Variants in CPNE4 observed in about 807,000 individuals in gnomAD.
CPNE4 encodes copine 4.
In CPNE4, 25 loss-of-function variants were observed where a neutral mutation model predicts 67.9. The ratio of observed to expected loss-of-function variants is 0.37; its 90% CI spans 0.27 to 0.51. The LOEUF (loss-of-function observed/expected upper bound fraction) is 0.51, where lower values mean the gene tolerates loss of function less well. Among genes scored for constraint, CPNE4 ranks in the 20% least tolerant of loss-of-function variants. The pLI, the probability that CPNE4 is intolerant of heterozygous loss-of-function variation, is 0.93. For missense variants in CPNE4, 464 were observed against 690.8 expected (o/e 0.67, Z 3.68); for synonymous variants, 242 against 244.9 (o/e 0.99, Z 0.11).
chr3:131,618,083 T>C (rs975890892), intron 7 of CPNE4, among the ~76,000 whole-genome samples: 2 of 152,142 alleles, frequency 1.3e-5, no homozygotes, highest in Non-Finnish European at 2.9e-5. Context: ...ATGGGAGACA[T>C]CACTTTGGAA....
chr3:131,903,691 G>A (rs1015172996), intron 2 of CPNE4, among the ~76,000 whole-genome samples: 8 of 152,088 alleles, frequency 5.3e-5, no homozygotes, highest in African/African-American at 1.9e-4. Flanking sequence ...CCTGTAAAAT[G>A]GGGATAATAT....
At chr3:131,632,600 A>G (rs2079258206) in intron 7 of CPNE4, among the ~76,000 whole-genome samples, 1 of 152,148 alleles carries the variant, frequency 6.6e-6, no homozygotes, top group South Asian at 2.1e-4. Flanking sequence ...TTAATATACT[A>G]TAAATACTTG....
intron 7 of CPNE4, among the ~76,000 whole-genome samples, chr3:131,628,869 T>C (rs1204724527): frequency 7.5e-6 from 1 of 133,566 alleles, no homozygotes; most frequent in Non-Finnish European, 1.5e-5. Context: ...TTCATTGATT[T>C]TTTGAAGGGT....
chr3:131,788,946 C>A (rs2083637065), intron 2 of CPNE4, among the ~76,000 whole-genome samples: 1 of 149,768 alleles, frequency 6.7e-6, no homozygotes, highest in East Asian at 2.0e-4. Context: ...ACATTCTTTT[C>A]TTTATTCTTA....
Position 131,992,595 on chromosome 3 carries a change from G to C in CPNE4, c.-2+41972C>G, listed in dbSNP as rs1334174574. ...TGAACTTTTGGGTTAATGCTGGAAT[G>C]AGCTAAGACATGGGGGACTGTTGGA... On this transcript the variant is annotated intron_variant, in intron 1 of 15. Transcript: ENST00000429747. Among the ~76,000 whole-genome samples, 2 of 136,162 alleles carry C rather than the reference G, an allele frequency of 1.5e-5. 1 individual carries two copies. Among genetic ancestry groups the C allele is most frequent in the South Asian group, 5.2e-4 (2 of 3,880 alleles). 89.3% of individuals were successfully genotyped at this position (136,162 alleles called of 152,430 possible). A position where few individuals can be genotyped will look rare whatever the true frequency, so the allele number is the denominator to read the frequency against.
chr3:131,751,629 T>A (rs374863571), intron 2 of CPNE4, among the ~76,000 whole-genome samples: 17 of 152,320 alleles, frequency 1.1e-4, no homozygotes, highest in African/African-American at 3.4e-4. Flanking sequence ...ATCTCTGTCA[T>A]CTTAGTGTTG....
At chr3:131,951,455 T>C (rs1161681987) in intron 1 of CPNE4, among the ~76,000 whole-genome samples, 2 of 152,184 alleles carry the variant, frequency 1.3e-5, no homozygotes, top group Non-Finnish European at 2.9e-5. Flanking sequence ...CAGAGCCTAA[T>C]TGCCACATTT....
intron 1 of CPNE4, among the ~76,000 whole-genome samples, chr3:131,992,481 A>T (rs7636055): frequency 0.039 from 5,382 of 136,682 alleles, 647 homozygotes; most frequent in African/African-American, 0.12. Context: ...TTGTATCCCC[A>T]TTGTATCTAG....
At chr3:131,792,925 G>GTGTGTGTGTGTATATA (rs58502463) in intron 2 of CPNE4, among the ~76,000 whole-genome samples, 66 of 135,236 alleles carry the variant, frequency 4.9e-4, no homozygotes, top group African/African-American at 8.9e-4. Context: ...GTGTGTGTGT[G>GTGTGTGTGTGTATATA]TATCTCCAAC....
At position 131,581,640 on chromosome 3, in the gene CPNE4, T is replaced by G; in HGVS notation, c.806A>C (p.Lys269Thr). Residue 269 changes from lysine to threonine, a missense_variant, in exon 9 of 16, where the codon AAG becomes ACG. Physicochemically the swap from Lys to Thr is moderately conservative, Grantham distance 78. This residue lies in a region of CPNE4 where 26 missense variants were observed against 24.0 expected (regional missense o/e 1.08). Transcript: ENST00000429747. Reference sequence around the variant, plus strand: ...GTAATTCTTCTTCTTGGCTTTGTACTTGGGATTGATGCACTCCCACTGCAC... The same window carrying G: ...GTAATTCTTCTTCTTGGCTTTGTACGTGGGATTGATGCACTCCCACTGCAC... Reference protein sequence around the residue: ...KQVQWECINPKYKAKKKNYKN... With the variant: ...KQVQWECINPTYKAKKKNYKN... The G allele has an allele frequency of 1.2e-6, 2 of 1,613,356 alleles. No homozygotes were observed. Among genetic ancestry groups the G allele is most frequent in the Non-Finnish European group, 1.7e-6 (2 of 1,179,366 alleles).
intron 1 of CPNE4, among the ~76,000 whole-genome samples, chr3:132,003,233 A>G (rs570785530): frequency 1.1e-4 from 16 of 152,238 alleles, no homozygotes; most frequent in Non-Finnish European, 2.2e-4. Flanking sequence ...CATAGATGAC[A>G]TCATGGCTGC....
At chr3:131,958,473 G>A (rs760283937) in intron 1 of CPNE4, among the ~76,000 whole-genome samples, 4 of 152,106 alleles carry the variant, frequency 2.6e-5, no homozygotes, top group Admixed American at 1.3e-4. Flanking sequence ...CTCCCTAGGC[G>A]ATTCTGATGC....
At chr3:131,996,061 AT>A (rs1375761261) in intron 1 of CPNE4, among the ~76,000 whole-genome samples, 1 of 152,226 alleles carries the variant, frequency 6.6e-6, no homozygotes, top group Admixed American at 6.5e-5. Flanking sequence ...ATTTAAAAAA[AT>A]ATATGCTGTT....
chr3:131,993,472 CA>C lies in CPNE4; in HGVS notation c.-2+41094del, dbSNP rs58116331. On this transcript the variant is annotated intron_variant, in intron 1 of 15. Coordinates refer to ENST00000429747, the MANE Select transcript of CPNE4 (RefSeq NM_130808.3). ...ACCCTGATTTCGTGTGCAGGAGTGG[CA>C]AAAAAAAAAAAAAAAAGCATAGCTT... 6.3e-4 allele frequency among the ~76,000 whole-genome samples: 38 copies of C among 60,460 alleles called. 4 individuals are homozygous for C. In the South Asian group the frequency reaches 0.016, roughly 25 times the overall value. 39.7% of individuals were successfully genotyped at this position (60,460 alleles called of 152,430 possible).
intron 10 of CPNE4, among the ~76,000 whole-genome samples, chr3:131,570,747 G>A (rs112561524): frequency 2.8e-4 from 43 of 152,096 alleles, no homozygotes; most frequent in African/African-American, 8.9e-4. Flanking sequence ...TGCAAAACTG[G>A]ATGTGTGCAC....
At chr3:131,796,632 C>G (rs10934980) in intron 2 of CPNE4, among the ~76,000 whole-genome samples, 20,332 of 152,292 alleles carry the variant, frequency 0.13, 1,825 homozygotes, top group Non-Finnish European at 0.19. Context: ...CCCCCTTCCC[C>G]TGGAGCCTCC....
At chr3:131,798,566 C>T (rs547069703) in intron 2 of CPNE4, among the ~76,000 whole-genome samples, 21 of 152,226 alleles carry the variant, frequency 1.4e-4, no homozygotes, top group African/African-American at 4.8e-4. Flanking sequence ...GGAACATCAT[C>T]CAGCCTAGTT....
chr3:131,616,022 A>T (rs1412047997), intron 7 of CPNE4, among the ~76,000 whole-genome samples: 2 of 151,916 alleles, frequency 1.3e-5, no homozygotes, highest in Non-Finnish European at 2.9e-5. Flanking sequence ...ACTTGCTATA[A>T]TGGTATCTCA....
intron 7 of CPNE4, among the ~76,000 whole-genome samples, chr3:131,617,157 G>A (rs754050295): frequency 1.3e-5 from 2 of 152,168 alleles, no homozygotes; most frequent in Non-Finnish European, 2.9e-5. Flanking sequence ...CTTAGGTTAA[G>A]TGGTAATTTG....
Sources: allele counts gnomAD v4.1 joint callset (sites outside exome capture counted in the v4.1 genomes callset), GRCh38; gene constraint gnomAD v4.1.1; regional missense constraint gnomAD v4.1.1; transcripts MANE v1.5; gene names NCBI Gene and HGNC (gene_info 2026-07-23, HGNC 2026-07-21).